NFKB1: variants seen among roughly 807,000 people sequenced by gnomAD.
NFKB1 encodes nuclear factor NF-kappa-B p105 subunit.
Under a neutral mutation model 105.1 loss-of-function variants are expected in NFKB1, and 9 were observed. That is an observed-to-expected ratio of 0.09 (90% CI 0.05 to 0.15). The LOEUF is 0.15. Among genes scored for constraint, NFKB1 ranks in the 10% least tolerant of loss-of-function variants. The probability of loss-of-function intolerance (pLI) is 1.00; values close to 1 mark genes in which losing one functional copy is unlikely to be tolerated. For missense variants in NFKB1, 830 were observed against 1,203.7 expected (o/e 0.69, Z 4.59); for synonymous variants, 440 against 442.2 (o/e 1.00, Z 0.06).
intron 9 of NFKB1, 56 bp from the exon 10 acceptor site, chr4:102,582,810 T>G: frequency 8.6e-7 from 1 of 1,161,458 alleles, no homozygotes; most frequent in Non-Finnish European, 1.3e-6. Context: ...TTCAGCATGT[T>G]TATAAATACT....
chr4:102,546,496 A>G (rs1026110969), intron 5 of NFKB1, among the ~76,000 whole-genome samples: 4 of 152,170 alleles, frequency 2.6e-5, no homozygotes, highest in Non-Finnish European at 4.4e-5. Context: ...TAGTAACACT[A>G]GAAAAAAAAT....
chr4:102,565,196 G>A (rs569331863), intron 5 of NFKB1, among the ~76,000 whole-genome samples: 1 of 151,856 alleles, frequency 6.6e-6, no homozygotes, highest in African/African-American at 2.4e-5. Flanking sequence ...CTTTGAGGTG[G>A]TCAAGATCAA....
At chr4:102,555,021 G>T (rs143810571) in intron 5 of NFKB1, among the ~76,000 whole-genome samples, 22 of 152,268 alleles carry the variant, frequency 1.4e-4, no homozygotes, top group African/African-American at 5.3e-4. Flanking sequence ...ATCCTTTTAG[G>T]AATAAGAATA....
intron 3 of NFKB1, among the ~76,000 whole-genome samples, chr4:102,532,389 G>A (rs1741349755): frequency 6.6e-6 from 1 of 152,178 alleles, no homozygotes; most frequent in Non-Finnish European, 1.5e-5. Context: ...AGCACTTTGG[G>A]AGGCCAAGGC....
chr4:102,611,481 A>G (rs1257415141), intron 20 of NFKB1, among the ~76,000 whole-genome samples: 1 of 152,252 alleles, frequency 6.6e-6, no homozygotes, highest in African/African-American at 2.4e-5. Context: ...GTGACTGCAG[A>G]GAACACCACA....
intron 9 of NFKB1, among the ~76,000 whole-genome samples, chr4:102,582,424 A>G (rs1269159404): frequency 6.6e-6 from 1 of 152,226 alleles, no homozygotes; most frequent in Non-Finnish European, 1.5e-5. Flanking sequence ...ATCAGTTAAT[A>G]TGTGTATATA....
In NFKB1 at chr4:102,607,336, T is replaced by G; in HGVS notation, c.2124+17T>G. 1 of 1,600,316 alleles carries G rather than the reference T, an allele frequency of 6.2e-7. No individual in the cohort carries two copies. The highest frequency in any genetic ancestry group is 8.5e-7 in the Non-Finnish European group (1 of 1,172,028). ...CTCCTGGAGGTGAAGGGCACACTTATTTGCTTTTGCATTAAATTTCTGAGG... is the reference window on the plus strand; with the variant it reads ...CTCCTGGAGGTGAAGGGCACACTTAGTTGCTTTTGCATTAAATTTCTGAGG... On this transcript the variant is annotated intron_variant, in intron 18 of 23. Coordinates refer to ENST00000226574, the MANE Select transcript of NFKB1 (RefSeq NM_003998.4).
chr4:102,526,470 CAA>C (rs1227173371), intron 2 of NFKB1, among the ~76,000 whole-genome samples: 1 of 151,970 alleles, frequency 6.6e-6, no homozygotes. Flanking sequence ...ATGCATGTAA[CAA>C]AATTGCACTT....
At chr4:102,610,274 C>A (rs1157838761) in intron 19 of NFKB1, among the ~76,000 whole-genome samples, 3 of 152,170 alleles carry the variant, frequency 2.0e-5, no homozygotes, top group Non-Finnish European at 4.4e-5. Flanking sequence ...ATTAAAGATG[C>A]ACTATTCAGT....
At chr4:102,535,271 G>A (rs1741561426) in intron 4 of NFKB1, among the ~76,000 whole-genome samples, 1 of 152,108 alleles carries the variant, frequency 6.6e-6, no homozygotes, top group African/African-American at 2.4e-5. Context: ...ATATGCCAAA[G>A]TATTTTTTCC....
At chr4:102,540,583 C>A (rs1741934497) in intron 5 of NFKB1, among the ~76,000 whole-genome samples, 1 of 152,032 alleles carries the variant, frequency 6.6e-6, no homozygotes, top group Non-Finnish European at 1.5e-5. Context: ...AGCATTTAAT[C>A]AACTTGTAAG....
At chr4:102,583,445 T>C (rs1439598078) in intron 10 of NFKB1, among the ~76,000 whole-genome samples, 4 of 152,206 alleles carry the variant, frequency 2.6e-5, no homozygotes, top group African/African-American at 9.6e-5. Flanking sequence ...CAAGGTTCTG[T>C]TAGATCGTTT....
chr4:102,606,045 C>G (rs1727689693), intron 16 of NFKB1, among the ~76,000 whole-genome samples: 1 of 152,046 alleles, frequency 6.6e-6, no homozygotes, highest in African/African-American at 2.4e-5. Context: ...TAGGTGTGCT[C>G]AAAATCAACA....
chr4:102,521,092 AAC>A (rs1282981513), intron 1 of NFKB1, among the ~76,000 whole-genome samples: 3 of 152,192 alleles, frequency 2.0e-5, no homozygotes, highest in Non-Finnish European at 4.4e-5. Flanking sequence ...ATTATAATTA[AAC>A]AATCTGTTAT....
chr4:102,533,707 G>A (rs1741450927), intron 3 of NFKB1, 138 bp from the exon 4 acceptor site: 1 of 714,502 alleles, frequency 1.4e-6, no homozygotes, highest in African/African-American at 1.8e-5. Context: ...TTATATCCTT[G>A]TGGAATTTTA....
At chr4:102,564,115 C>T (rs1020265144) in intron 5 of NFKB1, among the ~76,000 whole-genome samples, 10 of 151,920 alleles carry the variant, frequency 6.6e-5, no homozygotes, top group African/African-American at 2.2e-4. Flanking sequence ...CCACCACGCC[C>T]GGCCCGAAAG....
chr4:102,605,408 C>T (rs985586471), intron 16 of NFKB1, among the ~76,000 whole-genome samples: 5 of 152,172 alleles, frequency 3.3e-5, no homozygotes, highest in Admixed American at 6.5e-5. Context: ...GTTGGTGGCT[C>T]ACCTGCTGCT....
At chr4:102,585,063 T>A (rs1413803305) in intron 11 of NFKB1, among the ~76,000 whole-genome samples, 1 of 151,630 alleles carries the variant, frequency 6.6e-6, no homozygotes, top group South Asian at 2.1e-4. Flanking sequence ...TTTTTTTTTT[T>A]ACTTTTAATA....
intron 5 of NFKB1, among the ~76,000 whole-genome samples, chr4:102,564,009 A>G (rs746574362): frequency 2.6e-5 from 4 of 151,630 alleles, no homozygotes; most frequent in Non-Finnish European, 4.4e-5. Flanking sequence ...TAGTAAAGAC[A>G]GGGCTTCACC....
Sources: allele counts gnomAD v4.1 joint callset (sites outside exome capture counted in the v4.1 genomes callset), GRCh38; gene constraint gnomAD v4.1.1; transcripts MANE v1.5; gene names NCBI Gene and HGNC (gene_info 2026-07-23, HGNC 2026-07-21).